Variants in TMEM9B observed in about 807,000 individuals in gnomAD.
TMEM9B encodes the protein TMEM9 domain family member B.
A neutral mutation model predicts 23.5 loss-of-function variants in TMEM9B; 8 were observed. The ratio of observed to expected loss-of-function variants is 0.34; its 90% confidence interval spans 0.20 to 0.61. The LOEUF (loss-of-function observed/expected upper bound fraction) is 0.61, where lower values mean the gene tolerates loss of function less well. TMEM9B is among the 20% of genes least tolerant of loss of function. The pLI, the probability that TMEM9B is intolerant of heterozygous loss-of-function variation, is 0.78. For synonymous variants in TMEM9B, 106 were observed against 96.3 expected (o/e 1.10, Z -0.59); for missense variants, 197 against 252.3 (o/e 0.78, Z 1.49).
chr11:8,959,496 G>C (rs1854036597), intron 2 of TMEM9B, among the ~76,000 whole-genome samples: 1 of 152,192 alleles, frequency 6.6e-6, no homozygotes, highest in Non-Finnish European at 1.5e-5. Flanking sequence ...AAATGAAACT[G>C]ATCTATTTAG....
At chr11:8,955,392 CTATTAT>C (rs1454341459) in intron 3 of TMEM9B, among the ~76,000 whole-genome samples, 1 of 151,958 alleles carries the variant, frequency 6.6e-6, no homozygotes, top group Non-Finnish European at 1.5e-5. Context: ...CACTTTATTT[CTATTAT>C]TATTACATTA....
chr11:8,963,368 A>G (rs1054389005), intron 1 of TMEM9B, among the ~76,000 whole-genome samples: 2 of 152,254 alleles, frequency 1.3e-5, no homozygotes, highest in African/African-American at 2.4e-5. Context: ...TTTTCCCATC[A>G]TACTAATGTG....
intron 4 of TMEM9B, among the ~76,000 whole-genome samples, chr11:8,949,299 T>A (rs113454364): frequency 6.6e-6 from 1 of 152,226 alleles, no homozygotes; most frequent in African/African-American, 2.4e-5. Context: ...AACTGGATGT[T>A]TGTAGTCATT....
intron 3 of TMEM9B, among the ~76,000 whole-genome samples, chr11:8,955,860 T>C (rs899119846): frequency 2.0e-5 from 3 of 152,118 alleles, no homozygotes; most frequent in South Asian, 4.1e-4. Context: ...AATTACTATA[T>C]ATTTAATTTT....
At position 8,947,390 on chromosome 11, in the gene TMEM9B, A is replaced by G. The variant is rs566408394; in HGVS notation, c.*930T>C. 140 of 152,752 alleles carry G rather than the reference A, an allele frequency of 9.2e-4. No individual in the cohort carries two copies. Among genetic ancestry groups the G allele is most frequent in the African/African-American group, 3.1e-3 (129 of 41,556 alleles). 9.5% of individuals were successfully genotyped at this position (152,752 alleles called of 1,614,324 possible). On this transcript the variant is annotated 3_prime_UTR_variant, in exon 5 of 5. Transcript: ENST00000534025. ...AATGGTTAGACCTTTCAGAAGAGGC[A>G]CCCACAACCCCAGCCCTAGTTCAAA...
chr11:8,950,609 C>G (rs1048507022), intron 4 of TMEM9B, among the ~76,000 whole-genome samples: 3 of 152,186 alleles, frequency 2.0e-5, no homozygotes, highest in African/African-American at 7.2e-5. Flanking sequence ...TGCTCATGGT[C>G]ACAGATGCTG....
At chr11:8,956,155 AG>A (rs1853969256) in intron 3 of TMEM9B, 34 bp downstream of exon 3, 14 of 1,589,486 alleles carry the variant, frequency 8.8e-6, no homozygotes, top group East Asian at 4.5e-5. Flanking sequence ...GTAGACAGAC[AG>A]ACAGACAGGT....
intron 2 of TMEM9B, among the ~76,000 whole-genome samples, chr11:8,961,791 C>T (rs976629556): frequency 6.6e-6 from 1 of 152,300 alleles, no homozygotes; most frequent in Non-Finnish European, 1.5e-5. Context: ...AGGTCCCTCA[C>T]CAAAACTTGA....
intron 4 of TMEM9B, among the ~76,000 whole-genome samples, 157 bp from the exon 5 acceptor site, chr11:8,948,632 G>GAT (rs1382454157): frequency 6.6e-6 from 1 of 152,158 alleles, no homozygotes; most frequent in Non-Finnish European, 1.5e-5. Context: ...TCAACTACCA[G>GAT]ATAGAGTATG....
chr11:8,962,684 G>C (rs1298939819), intron 1 of TMEM9B: 2 of 153,630 alleles, frequency 1.3e-5, no homozygotes, highest in East Asian at 1.9e-4. Flanking sequence ...TGAAATGTTA[G>C]AGGCACCCAC....
In TMEM9B at chr11:8,964,363, C is replaced by CGGCTCG. The variant is rs1396745870; in HGVS notation, c.-56_-51dup. 100 of 1,492,238 alleles carry CGGCTCG rather than the reference C, an allele frequency of 6.7e-5. No homozygotes were observed. The East Asian group carries it at 7.8e-4, about 12-fold the overall frequency. 92.4% of individuals were successfully genotyped at this position (1,492,238 alleles called of 1,614,324 possible). On this transcript the variant is annotated 5_prime_UTR_variant, in exon 1 of 5. Transcript: ENST00000534025. ...GCCCGGAGCCCCCGCGACCGGCTCC[C>CGGCTCG]GGCTCGGGCTCAGGCTCAGGCTCAG...
At chr11:8,953,643 G>A (rs1853921907) in intron 3 of TMEM9B, among the ~76,000 whole-genome samples, 1 of 152,146 alleles carries the variant, frequency 6.6e-6, no homozygotes, top group South Asian at 2.1e-4. Flanking sequence ...CCTAAATTCA[G>A]CTACTCTTTA....
In TMEM9B at chr11:8,964,369, GGGCTCAGGCTCAGGCTCA is replaced by G. The variant is rs3833778; in HGVS notation, c.-74_-57del. The G allele has an allele frequency of 1.3e-6, 2 of 1,516,056 alleles. No individual in the cohort carries two copies. The highest frequency in any genetic ancestry group is 1.4e-5 in the African/African-American group (1 of 70,188). The allele number at this position is 1,516,056 out of a possible 1,614,324, so 93.9% of individuals were successfully genotyped here. On this transcript the variant is annotated 5_prime_UTR_variant, in exon 1 of 5. Transcript: ENST00000534025. ...AGCCCCCGCGACCGGCTCCCGGCTC[GGGCTCAGGCTCAGGCTCA>G]GGCTCAGGCACAGGCTTGGGACCCG...
At chr11:8,955,494 C>A (rs1014821111) in intron 3 of TMEM9B, among the ~76,000 whole-genome samples, 2 of 151,712 alleles carry the variant, frequency 1.3e-5, no homozygotes, top group African/African-American at 4.8e-5. Context: ...CTAGACGGTC[C>A]CATATGGGGG....
intron 2 of TMEM9B, among the ~76,000 whole-genome samples, chr11:8,958,226 G>T (rs2134872319): frequency 6.7e-6 from 1 of 150,136 alleles, no homozygotes; most frequent in South Asian, 2.1e-4. Flanking sequence ...ACTTTGGGAG[G>T]CCGAGGCGGT....
At chr11:8,953,695 T>G (rs1853923093) in intron 3 of TMEM9B, among the ~76,000 whole-genome samples, 1 of 152,218 alleles carries the variant, frequency 6.6e-6, no homozygotes, top group African/African-American at 2.4e-5. Flanking sequence ...GGCCGGTGAT[T>G]TTTTCTTGTG....
chr11:8,954,759 A>G (rs1053639506), intron 3 of TMEM9B, among the ~76,000 whole-genome samples: 9 of 152,202 alleles, frequency 5.9e-5, no homozygotes, highest in African/African-American at 2.2e-4. Flanking sequence ...GAGCTCTTCC[A>G]CAGGGTCAAT....
At chr11:8,949,226 T>C (rs1213578576) in intron 4 of TMEM9B, among the ~76,000 whole-genome samples, 1 of 152,190 alleles carries the variant, frequency 6.6e-6, no homozygotes, top group Non-Finnish European at 1.5e-5. Flanking sequence ...AAAGAGGCTA[T>C]TGAAGGGTTG....
rs1439377560 is a variant in TMEM9B at position 8,953,266 on chromosome 11, C to T, written c.378G>A (p.Glu126=). 1.2e-6 allele frequency: 2 copies of T among 1,613,920 alleles called. No homozygotes were observed. The highest frequency in any genetic ancestry group is 2.7e-5 in the African/African-American group (2 of 74,868). ...LLYMVYLTLV[E]PILKRRLFGH... is the part of the protein sequence containing the mutation. Reference sequence around the variant, plus strand: ...CAAAGAGGCGCCTCTTCAGTATGGGCTCAACCAGAGTAAGATATACCATGT... The same window carrying T: ...CAAAGAGGCGCCTCTTCAGTATGGGTTCAACCAGAGTAAGATATACCATGT... Residue 126 remains glutamate (E), a synonymous_variant, in exon 4 of 5, where the codon GAG becomes GAA. Transcript: ENST00000534025.
Sources: gnomAD v4.1 joint callset for allele counts (sites outside exome capture counted in the v4.1 genomes callset) on GRCh38, gnomAD v4.1.1 for gene constraint, MANE v1.5 for transcripts, NCBI Gene and HGNC (gene_info 2026-07-23, HGNC 2026-07-21) for gene names.